Variants in UAP1 observed in about 807,000 individuals in gnomAD.
UAP1 encodes the protein UDP-N-acetylglucosamine pyrophosphorylase 1, also known as UDP-N-acetylhexosamine pyrophosphorylase.
Under a neutral mutation model 58.5 loss-of-function variants are expected in UAP1, and 25 were observed. The ratio of observed to expected loss-of-function variants is 0.43; its 90% CI spans 0.31 to 0.60. The LOEUF is 0.60. UAP1 is among the 20% of genes least tolerant of loss of function. UAP1 has a pLI of 0.11. For synonymous variants in UAP1, 208 were observed against 213.0 expected (o/e 0.98, Z 0.21); for missense variants, 575 against 630.0 (o/e 0.91, Z 0.93).
At position 162,568,902 on chromosome 1, in the gene UAP1, T is replaced by G. The variant is rs78585377; in HGVS notation, c.280+2554T>G. On this transcript the variant is annotated intron_variant, in intron 2 of 10. Coordinates refer to ENST00000271469, the Ensembl canonical transcript of UAP1. Reference sequence around the variant, plus strand: ...TCCTATAATTTGAGTCTTCTTTATGTCCTTTTTGTTGGACTATGTGGAGCT... The same window carrying G: ...TCCTATAATTTGAGTCTTCTTTATGGCCTTTTTGTTGGACTATGTGGAGCT... Among the ~76,000 whole-genome samples, 295 of 152,348 alleles carry G rather than the reference T, an allele frequency of 1.9e-3. 3 individuals are homozygous for G. In the East Asian group the frequency reaches 0.048, roughly 25 times the overall value.
At chr1:162,590,480 G>A in exon 8 of UAP1, 1 of 1,604,496 alleles carries the variant, frequency 6.2e-7, no homozygotes, top group Non-Finnish European at 8.5e-7. Context: ...TTTCATAGAT[G>A]AAAATGGCTC....
At chr1:162,586,059 C>T (rs899239212) in intron 5 of UAP1, among the ~76,000 whole-genome samples, 1 of 152,174 alleles carries the variant, frequency 6.6e-6, no homozygotes, top group Non-Finnish European at 1.5e-5. Context: ...ATCCAGCAGT[C>T]CTGCCTCACT....
intron 5 of UAP1, among the ~76,000 whole-genome samples, chr1:162,585,625 T>G (rs1654862118): frequency 6.6e-6 from 1 of 152,156 alleles, no homozygotes; most frequent in Non-Finnish European, 1.5e-5. Context: ...TACAAATGCT[T>G]TCTTCTGTAA....
chr1:162,571,124 T>G (rs1383325369), intron 2 of UAP1, among the ~76,000 whole-genome samples: 2 of 151,898 alleles, frequency 1.3e-5, no homozygotes, highest in Admixed American at 1.3e-4. Context: ...CTTCTGATTT[T>G]TTTGTTTGTT....
intron 2 of UAP1, among the ~76,000 whole-genome samples, chr1:162,569,140 A>G (rs1353664876): frequency 6.6e-6 from 1 of 152,208 alleles, no homozygotes; most frequent in East Asian, 1.9e-4. Context: ...ATTCATAACA[A>G]AATGAAGTTT....
intron 1 of UAP1, among the ~76,000 whole-genome samples, chr1:162,565,302 A>G (rs1327341322): frequency 6.6e-6 from 1 of 152,206 alleles, no homozygotes; most frequent in Non-Finnish European, 1.5e-5. Context: ...AGCACTATGA[A>G]GTTTAACATT....
intron 5 of UAP1, among the ~76,000 whole-genome samples, chr1:162,583,650 G>C (rs1654737436): frequency 6.6e-6 from 1 of 151,846 alleles, no homozygotes; most frequent in Non-Finnish European, 1.5e-5. Context: ...TTATTTATTT[G>C]ACAGGGTCTG....
At chr1:162,578,302 G>A (rs1377749264) in intron 3 of UAP1, among the ~76,000 whole-genome samples, 1 of 152,174 alleles carries the variant, frequency 6.6e-6, no homozygotes, top group Non-Finnish European at 1.5e-5. Flanking sequence ...AAGTCAGCAG[G>A]TGCCCTCAGG....
At chr1:162,569,611 TAAAAC>T (rs1371556732) in intron 2 of UAP1, among the ~76,000 whole-genome samples, 1 of 152,238 alleles carries the variant, frequency 6.6e-6, no homozygotes, top group African/African-American at 2.4e-5. Flanking sequence ...CATTCTTTAT[TAAAAC>T]AAATGCATGC....
intron 1 of UAP1, among the ~76,000 whole-genome samples, chr1:162,562,263 C>T (rs1653194451): frequency 6.6e-6 from 1 of 151,970 alleles, no homozygotes; most frequent in Non-Finnish European, 1.5e-5. Flanking sequence ...TTGGCACTGT[C>T]AGGTGGAAGC....
chr1:162,574,795 ATT>A (rs564861581), intron 2 of UAP1, among the ~76,000 whole-genome samples: 7 of 146,694 alleles, frequency 4.8e-5, no homozygotes, highest in Non-Finnish European at 7.6e-5. Flanking sequence ...TTATGGCAAG[ATT>A]TTTTTTTTTT....
chr1:162,587,775 C>A, intron 6 of UAP1, 107 bp downstream of exon 6: 1 of 1,094,988 alleles, frequency 9.1e-7, no homozygotes, highest in Non-Finnish European at 1.3e-6. Flanking sequence ...CAGAATTCAT[C>A]TTTCCTGAGG....
chr1:162,597,740 G>C (rs1043653275), intron 9 of UAP1, 52 bp from the exon 10 acceptor site: 4 of 1,504,726 alleles, frequency 2.7e-6, no homozygotes, highest in Non-Finnish European at 3.7e-6. Context: ...TTTTGCTCTG[G>C]CAAGTAACAT....
chr1:162,592,801 C>G lies in UAP1; in HGVS notation c.1409+19C>G. On this transcript the variant is annotated intron_variant, in intron 9 of 10. Coordinates refer to ENST00000271469, the Ensembl canonical transcript of UAP1. Reference sequence around the variant, plus strand: ...ATCACAAGTAAATATACCAGCCTGCCTACAGTGCATGGTGATGGGGCTGTG... The same window carrying G: ...ATCACAAGTAAATATACCAGCCTGCGTACAGTGCATGGTGATGGGGCTGTG... 8 of 1,546,000 alleles carry G rather than the reference C, an allele frequency of 5.2e-6. No individual in the cohort carries two copies. The highest frequency in any genetic ancestry group is 6.1e-6 in the Non-Finnish European group (7 of 1,142,654).
At chr1:162,599,281 G>A (rs1655795918) in exon 11 of UAP1, 2 of 1,611,404 alleles carry the variant, frequency 1.2e-6, no homozygotes, top group African/African-American at 1.3e-5. Flanking sequence ...GGATTAGAAA[G>A]TTATGTGGCA....
chr1:162,579,706 A>T (rs934140743), intron 4 of UAP1, 103 bp downstream of exon 4: 89 of 1,045,560 alleles, frequency 8.5e-5, no homozygotes, highest in Non-Finnish European at 1.1e-4. Context: ...TTTAAACATT[A>T]ATATATATGT....
At chr1:162,577,133 T>C (rs1654239129) in intron 3 of UAP1, 152 bp downstream of exon 3, 1 of 800,206 alleles carries the variant, frequency 1.2e-6, no homozygotes, top group South Asian at 1.9e-5. Context: ...AAAAGTGCTA[T>C]ATATTATTGC....
chr1:162,589,296 T>C (rs1473431206), intron 7 of UAP1, among the ~76,000 whole-genome samples: 1 of 134,102 alleles, frequency 7.5e-6, no homozygotes, highest in Non-Finnish European at 1.5e-5. Flanking sequence ...ATATATTGTT[T>C]ATATTATATA....
chr1:162,586,622 A>G (rs1198761788), intron 5 of UAP1, among the ~76,000 whole-genome samples: 3 of 152,188 alleles, frequency 2.0e-5, no homozygotes, highest in Non-Finnish European at 4.4e-5. Flanking sequence ...TGCATTGCAT[A>G]TAGTTCTTTT....
Sources: gnomAD v4.1 joint callset for allele counts (sites outside exome capture counted in the v4.1 genomes callset) on GRCh38, gnomAD v4.1.1 for gene constraint, MANE v1.5 for transcripts, NCBI Gene and HGNC (gene_info 2026-07-23, HGNC 2026-07-21) for gene names.